The following TRMT9B variants were observed in gnomAD, a reference collection of about 807,000 sequenced individuals.
The protein encoded by TRMT9B is probable tRNA methyltransferase 9B.
Under a neutral mutation model 11.5 loss-of-function variants are expected in TRMT9B, and 16 were observed. That is an observed-to-expected ratio of 1.39 (90% CI 0.94 to 2.11). The LOEUF (loss-of-function observed/expected upper bound fraction) is 2.11, where lower values mean the gene tolerates loss of function less well. Among genes scored for constraint, TRMT9B ranks in the 30% most tolerant of loss-of-function variants. TRMT9B has a pLI of 0.00. For missense variants in TRMT9B, 941 were observed against 553.8 expected (o/e 1.70, Z -7.02); for synonymous variants, 274 against 192.4 (o/e 1.42, Z -3.51).
At chr8:13,009,167 C>T (rs2128892582) in intron 3 of TRMT9B, among the ~76,000 whole-genome samples, 1 of 152,174 alleles carries the variant, frequency 6.6e-6, no homozygotes, top group East Asian at 1.9e-4. Flanking sequence ...GACAAATACC[C>T]AGTGATCTCA....
chr8:13,017,148 A>G (rs930037690), intron 4 of TRMT9B, among the ~76,000 whole-genome samples: 1 of 152,112 alleles, frequency 6.6e-6, no homozygotes, highest in Non-Finnish European at 1.5e-5. Context: ...TATCTAGCCC[A>G]AAATGTCAAT....
intron 1 of TRMT9B, among the ~76,000 whole-genome samples, chr8:12,974,275 A>C (rs1804082696): frequency 6.6e-6 from 1 of 151,928 alleles, no homozygotes; most frequent in Non-Finnish European, 1.5e-5. Context: ...TTGGGAGTGA[A>C]GGATGCAACA....
intron 1 of TRMT9B, chr8:12,952,242 G>A (rs1464211680): frequency 6.8e-6 from 3 of 438,076 alleles, no homozygotes; most frequent in South Asian, 1.6e-5. Context: ...GGGGAGCGGA[G>A]AGAAGCTTCT....
intron 2 of TRMT9B, among the ~76,000 whole-genome samples, chr8:12,992,247 T>A (rs992255015): frequency 6.6e-6 from 1 of 152,150 alleles, no homozygotes; most frequent in African/African-American, 2.4e-5. Flanking sequence ...CACATTTCCA[T>A]CTCTGCCGTC....
chr8:12,960,234 T>C (rs1201900896), intron 1 of TRMT9B: 1 of 152,240 alleles, frequency 6.6e-6, no homozygotes. Context: ...GGAAATCTGC[T>C]CATTTTTAGT....
In TRMT9B at chr8:13,023,871, T is replaced by C. The variant is rs898013730; in HGVS notation, c.*1827T>C. 31 of 167,150 alleles carry C rather than the reference T, an allele frequency of 1.9e-4. No homozygotes were observed. Among genetic ancestry groups the C allele is most frequent in the African/African-American group, 6.5e-4 (27 of 41,572 alleles). The allele number at this position is 167,150 out of a possible 1,614,324, so 10.4% of individuals were successfully genotyped here. A position where few individuals can be genotyped will look rare whatever the true frequency, so the allele number is the denominator to read the frequency against. On this transcript the variant is annotated 3_prime_UTR_variant, in exon 5 of 5. Coordinates refer to ENST00000524591, the MANE Select transcript of TRMT9B (RefSeq NM_020844.3). ...TGAAAACGATTGATGTTTATAACTC[T>C]CTTTTGGCTTCAAAATAAGATTGTG...
chr8:13,006,149 T>C, intron 2 of TRMT9B, 53 bp from the exon 3 acceptor site: 2 of 1,562,262 alleles, frequency 1.3e-6, no homozygotes, highest in Non-Finnish European at 1.8e-6. Flanking sequence ...CCTTCAGCCA[T>C]CTATGGTGCA....
intron 2 of TRMT9B, among the ~76,000 whole-genome samples, chr8:12,997,659 G>A (rs546950604): frequency 1.3e-5 from 2 of 152,264 alleles, no homozygotes; most frequent in East Asian, 3.9e-4. Flanking sequence ...CACATGTGCA[G>A]TTTCCAGATT....
At chr8:12,972,761 T>C (rs551448175) in intron 1 of TRMT9B, among the ~76,000 whole-genome samples, 1 of 152,340 alleles carries the variant, frequency 6.6e-6, no homozygotes, top group African/African-American at 2.4e-5. Context: ...GTTCTGAAGC[T>C]AGTTGCTAGA....
At chr8:13,005,766 A>T (rs1810349130) in intron 2 of TRMT9B, among the ~76,000 whole-genome samples, 1 of 152,224 alleles carries the variant, frequency 6.6e-6, no homozygotes, top group Admixed American at 6.5e-5. Flanking sequence ...CATGGCTGGA[A>T]CCCAAACACT....
chr8:13,012,165 T>G, intron 3 of TRMT9B: 1 of 985,618 alleles, frequency 1.0e-6, no homozygotes, highest in Non-Finnish European at 1.2e-6. Context: ...ATGTTATTTT[T>G]TTCCTATTGC....
chr8:13,017,936 C>T (rs561253000), intron 4 of TRMT9B, among the ~76,000 whole-genome samples: 86 of 151,590 alleles, frequency 5.7e-4, no homozygotes, highest in African/African-American at 2.0e-3. Flanking sequence ...CTATTTTTTT[C>T]TTAAGAACAT....
At chr8:13,012,177 T>A in intron 3 of TRMT9B, 1 of 985,528 alleles carries the variant, frequency 1.0e-6, no homozygotes, top group Non-Finnish European at 1.2e-6. Context: ...TCCTATTGCC[T>A]TTCTCTCTTC....
At chr8:12,983,599 G>C (rs2128874438) in intron 1 of TRMT9B, among the ~76,000 whole-genome samples, 1 of 152,270 alleles carries the variant, frequency 6.6e-6, no homozygotes, top group South Asian at 2.1e-4. Flanking sequence ...GAATCCAGGA[G>C]GCGGAGGTAG....
chr8:12,986,873 A>G (rs763540816), intron 1 of TRMT9B, among the ~76,000 whole-genome samples: 3 of 152,168 alleles, frequency 2.0e-5, no homozygotes, highest in Admixed American at 6.5e-5. Context: ...TAACATATTT[A>G]ACCAAGTTCT....
intron 1 of TRMT9B, among the ~76,000 whole-genome samples, chr8:12,955,588 G>C (rs2460358): frequency 2.0e-5 from 3 of 152,130 alleles, no homozygotes; most frequent in Non-Finnish European, 4.4e-5. Flanking sequence ...GTGTAACTGC[G>C]AATGTCAAAT....
chr8:12,960,499 C>G lies in TRMT9B; in HGVS notation c.-200+14533C>G, dbSNP rs1390479923. 3.3e-5 allele frequency: 5 copies of G among 152,306 alleles called. No homozygotes were observed. In the East Asian group the frequency reaches 5.8e-4, roughly 18 times the overall value. The allele number at this position is 152,306 out of a possible 1,614,324, so 9.4% of individuals were successfully genotyped here. A position where few individuals can be genotyped will look rare whatever the true frequency, so the allele number is the denominator to read the frequency against. On this transcript the variant is annotated intron_variant, in intron 1 of 4. Coordinates refer to ENST00000524591, the MANE Select transcript of TRMT9B (RefSeq NM_020844.3). ...ATGAACAGGCAACTCCACACAGAAC[C>G]TGCACACAAATGTCTGTAGCCACTT...
chr8:13,000,951 A>C (rs531153706), intron 2 of TRMT9B, among the ~76,000 whole-genome samples: 6 of 152,224 alleles, frequency 3.9e-5, no homozygotes, highest in South Asian at 2.1e-4. Flanking sequence ...TAAAATGAAC[A>C]GGTTTCTTGG....
rs761955715 is a variant in TRMT9B at position 13,021,768 on chromosome 8, C to G, written c.1089C>G (p.Gly363=). 1 of 1,613,872 alleles carries G rather than the reference C, an allele frequency of 6.2e-7. No individual in the cohort carries two copies. Among genetic ancestry groups the G allele is most frequent in the South Asian group, 1.1e-5 (1 of 91,060 alleles). The change falls in exon 5 of 5, where the codon GGC becomes GGG. Residue 363 remains glycine, a synonymous_variant. Transcript: ENST00000524591. The part of the protein sequence containing the change: ...TNTGVNCVDA[G]NIEDDNPSAS... ...CTGGTGTGAATTGTGTGGATGCAGG[C>G]AACATAGAAGATGATAATCCTTCTG...
Sources: allele counts gnomAD v4.1 joint callset (sites outside exome capture counted in the v4.1 genomes callset), GRCh38; gene constraint gnomAD v4.1.1; transcripts MANE v1.5; gene names NCBI Gene and HGNC (gene_info 2026-07-23, HGNC 2026-07-21).